DMAC2L: variants seen among roughly 807,000 people sequenced by gnomAD.
The protein encoded by DMAC2L is ATP synthase subunit s, mitochondrial.
Under a neutral mutation model 22.5 loss-of-function variants are expected in DMAC2L, and 21 were observed. The observed-to-expected ratio is 0.93, with a 90% confidence interval of 0.66 to 1.34. The LOEUF (loss-of-function observed/expected upper bound fraction) is 1.34. Among genes scored for constraint, DMAC2L ranks in the 40% most tolerant of loss-of-function variants. DMAC2L has a pLI of 0.00. For missense variants in DMAC2L, 239 were observed against 246.5 expected, an observed-to-expected ratio of 0.97 and a Z score of 0.20; for synonymous variants, 86 against 89.5, an observed-to-expected ratio of 0.96 and a Z score of 0.22.
intron 2 of DMAC2L, among the ~76,000 whole-genome samples, chr14:50,318,426 C>T (rs776915953): frequency 2.6e-5 from 4 of 152,074 alleles, no homozygotes; most frequent in African/African-American, 9.7e-5. Flanking sequence ...TAAATTTGGC[C>T]TTTCGTTTAA....
chr14:50,325,732 G>A lies in DMAC2L; in HGVS notation c.*9G>A, dbSNP rs144057879. The A allele has an allele frequency of 9.4e-6, 15 of 1,602,054 alleles. No homozygotes were observed. The African/African-American group carries it at 1.7e-4, about 19-fold the overall frequency. Reference sequence around the variant, plus strand: ...AATTACAATTGAAGTAAAATAATGTGTCTTATTTCAGTATAAAGGATCATT... The same window carrying A: ...AATTACAATTGAAGTAAAATAATGTATCTTATTTCAGTATAAAGGATCATT... On this transcript the variant is annotated 3_prime_UTR_variant, in exon 6 of 6. Transcript: ENST00000557421.
intron 1 of DMAC2L, 135 bp downstream of exon 1, chr14:50,312,524 C>A (rs2031320745): frequency 2.8e-6 from 1 of 354,278 alleles, no homozygotes. Context: ...CACCGCCATG[C>A]GGACATGGGG....
chr14:50,314,668 G>T (rs1227161883), intron 2 of DMAC2L, 42 bp downstream of exon 2: 4 of 453,638 alleles, frequency 8.8e-6, no homozygotes, highest in Non-Finnish European at 1.3e-5. Flanking sequence ...TTGAGACAGG[G>T]TTATGCTCTG....
upstream of DMAC2L, chr14:50,311,569 A>T: frequency 2.3e-6 from 1 of 437,928 alleles, no homozygotes. Context: ...GTGTGCCAGG[A>T]ACTGATTTAA....
At chr14:50,318,987 G>A in intron 2 of DMAC2L, 1 of 979,494 alleles carries the variant, frequency 1.0e-6, no homozygotes, top group East Asian at 1.1e-4. Context: ...TTTGCACTAA[G>A]TATAGCAGAC....
intron 2 of DMAC2L, chr14:50,321,263 G>A (rs933692995): frequency 1.0e-4 from 74 of 705,590 alleles, no homozygotes; most frequent in Non-Finnish European, 1.2e-4. Flanking sequence ...CGTTCTAGCC[G>A]GAAGGAGCCT....
In DMAC2L at chr14:50,315,258, G is replaced by A. The variant is rs896796865; in HGVS notation, c.-6+632G>A. ...TGGGATTACAGGCATGAGCCACTGC[G>A]CCCAGCCTATTATGTCATTCTTATG... On this transcript the variant is annotated intron_variant, in intron 2 of 5. Coordinates refer to ENST00000557421, the MANE Select transcript of DMAC2L (RefSeq NM_001382507.1). 3.3e-5 allele frequency among the ~76,000 whole-genome samples: 5 copies of A among 151,590 alleles called. No homozygotes were observed. In the South Asian group the frequency reaches 8.4e-4, roughly 25 times the overall value.
rs1019948226 is a variant in DMAC2L, at chr14:50,326,658, T to C, written c.*935T>C. The C allele has an allele frequency of 7.6e-5, 75 of 985,242 alleles. No homozygotes were observed. The highest frequency in any genetic ancestry group is 8.7e-5 in the Non-Finnish European group (72 of 829,858). 61.0% of individuals were successfully genotyped at this position (985,242 alleles called of 1,614,324 possible). ...TTTATTAAAACTGGACATAGATACT[T>C]GGCTGAATACAAATAGTTTTGCAGA... On this transcript the variant is annotated 3_prime_UTR_variant, in exon 6 of 6. Coordinates refer to ENST00000557421, the MANE Select transcript of DMAC2L (RefSeq NM_001382507.1).
Position 50,321,600 on chromosome 14 carries a change from T to G in DMAC2L, c.107+6T>G, listed in dbSNP as rs779118889. 1 of 1,593,392 alleles carries G rather than the reference T, an allele frequency of 6.3e-7. No individual in the cohort carries two copies. Among genetic ancestry groups the G allele is most frequent in the South Asian group, 1.1e-5 (1 of 90,588 alleles). ...TTGAATGCAGTGTTTAATAAGTAAG[T>G]TACTCTAAATAAAGTGAAGAAATGT... On this transcript the variant is annotated splice_donor_region_variant and intron_variant, in intron 3 of 5. Transcript: ENST00000557421.
chr14:50,320,062 C>T (rs1050380909), intron 2 of DMAC2L, among the ~76,000 whole-genome samples: 6 of 152,088 alleles, frequency 3.9e-5, no homozygotes, highest in East Asian at 1.9e-4. Flanking sequence ...GAAGCACAAC[C>T]GTAACAATGC....
rs1240817291 is a variant in DMAC2L at position 50,327,187 on chromosome 14, T to C, written c.*1464T>C. On this transcript the variant is annotated 3_prime_UTR_variant, in exon 6 of 6. Coordinates refer to ENST00000557421, the MANE Select transcript of DMAC2L (RefSeq NM_001382507.1). ...TACCAAAAAATTAAAAAATAAAAAA[T>C]AGCTGGGTGTAGTGGCACATGCCTG... 1.3e-5 allele frequency: 2 copies of C among 151,530 alleles called. No individual in the cohort carries two copies. Among genetic ancestry groups the C allele is most frequent in the African/African-American group, 4.9e-5 (2 of 41,222 alleles). The allele number at this position is 151,530 out of a possible 1,614,324, so 9.4% of individuals were successfully genotyped here.
At chr14:50,317,820 T>C (rs1343292434) in intron 2 of DMAC2L, among the ~76,000 whole-genome samples, 2 of 152,068 alleles carry the variant, frequency 1.3e-5, no homozygotes, top group Non-Finnish European at 2.9e-5. Context: ...ATCCTTATCT[T>C]GTTCCAATTC....
chr14:50,314,674 C>G, intron 2 of DMAC2L, 48 bp downstream of exon 2: 1 of 453,544 alleles, frequency 2.2e-6, no homozygotes, highest in South Asian at 1.6e-5. Context: ...CAGGGTTATG[C>G]TCTGTTGCCC....
At position 50,325,903 on chromosome 14, in the gene DMAC2L, T is replaced by C. The variant is rs2032676472; in HGVS notation, c.*180T>C. 7 of 1,251,818 alleles carry C rather than the reference T, an allele frequency of 5.6e-6. No individual in the cohort carries two copies. The highest frequency in any genetic ancestry group is 7.0e-6 in the Non-Finnish European group (7 of 993,662). The allele number at this position is 1,251,818 out of a possible 1,614,324, so 77.5% of individuals were successfully genotyped here. ...ACGTGGCTCATTAATGTTACTAAGT[T>C]GGAAGTGAGAATTTATGAACATTAA... On this transcript the variant is annotated 3_prime_UTR_variant, in exon 6 of 6. Transcript: ENST00000557421.
At chr14:50,324,236 G>A in intron 5 of DMAC2L, 120 bp downstream of exon 5, 1 of 1,063,816 alleles carries the variant, frequency 9.4e-7, no homozygotes, top group Middle Eastern at 3.3e-4. Flanking sequence ...TTTAAAAAAT[G>A]ACCTCACTTT....
chr14:50,319,075 C>T, intron 2 of DMAC2L: 1 of 985,274 alleles, frequency 1.0e-6, no homozygotes, highest in Non-Finnish European at 1.2e-6. Context: ...GTGGGATTTC[C>T]ACAGATTGAT....
At chr14:50,322,843 T>G in intron 4 of DMAC2L, 124 bp downstream of exon 4, 1 of 1,510,698 alleles carries the variant, frequency 6.6e-7, no homozygotes, top group Non-Finnish European at 8.9e-7. Flanking sequence ...TAGTCAAGTT[T>G]GTTTCTTCCT....
chr14:50,323,560 A>G (rs1319947367), intron 4 of DMAC2L, among the ~76,000 whole-genome samples: 1 of 150,350 alleles, frequency 6.7e-6, no homozygotes, highest in Non-Finnish European at 1.5e-5. Context: ...CGCCAGGGTA[A>G]TTTTTCTATT....
At chr14:50,312,614 C>T (rs944795444) in intron 1 of DMAC2L, 1 of 285,094 alleles carries the variant, frequency 3.5e-6, no homozygotes, top group Non-Finnish European at 6.6e-6. Flanking sequence ...TCCGGCTCGC[C>T]CTCGGCCCCG....
Sources: gnomAD v4.1 joint callset for allele counts (sites outside exome capture counted in the v4.1 genomes callset) on GRCh38, gnomAD v4.1.1 for gene constraint, MANE v1.5 for transcripts, NCBI Gene and HGNC (gene_info 2026-07-23, HGNC 2026-07-21) for gene names.